AGBL4: variants seen among roughly 807,000 people sequenced by gnomAD.
AGBL4 encodes cytosolic carboxypeptidase 6.
Under a neutral mutation model 66.4 loss-of-function variants are expected in AGBL4, and 58 were observed. The observed-to-expected ratio is 0.87, with a 90% CI of 0.71 to 1.09. The LOEUF is 1.09. Among genes scored for constraint, AGBL4 ranks in the 50% least tolerant of loss-of-function variants. The probability of loss-of-function intolerance (pLI) is 0.00; values close to 1 mark genes in which losing one functional copy is unlikely to be tolerated. For synonymous variants in AGBL4, 234 were observed against 222.9 expected (o/e 1.05, Z -0.44); for missense variants, 579 against 631.0 (o/e 0.92, Z 0.88).
At chr1:49,444,078 T>C (rs1557946195) in intron 3 of AGBL4, among the ~76,000 whole-genome samples, 1 of 152,038 alleles carries the variant, frequency 6.6e-6, no homozygotes, top group Non-Finnish European at 1.5e-5. Context: ...CCAAAGTTCC[T>C]CTTGGTATTG....
At chr1:48,989,005 C>T (rs1660399553) in intron 5 of AGBL4, among the ~76,000 whole-genome samples, 2 of 152,060 alleles carry the variant, frequency 1.3e-5, no homozygotes, top group South Asian at 2.1e-4. Context: ...TAAAAGGGAC[C>T]GTTTAGAGAT....
intron 5 of AGBL4, among the ~76,000 whole-genome samples, chr1:48,892,597 CG>C (rs1398852535): frequency 1.8e-4 from 27 of 152,208 alleles, no homozygotes; most frequent in Middle Eastern, 3.4e-3. Context: ...ACACTTGAAG[CG>C]GGGAGGGGGC....
chr1:49,536,262 TAG>T (rs1055857303), intron 3 of AGBL4, among the ~76,000 whole-genome samples: 4 of 152,152 alleles, frequency 2.6e-5, no homozygotes, highest in Admixed American at 2.6e-4. Flanking sequence ...AATAAGCTTT[TAG>T]AGCCCCCTGT....
At position 49,387,112 on chromosome 1, in the gene AGBL4, T is replaced by C. The variant is rs576436581; in HGVS notation, c.283-141248A>G. Among the ~76,000 whole-genome samples the C allele has an allele frequency of 2.4e-4, 37 of 152,076 alleles. No homozygotes were observed. In the South Asian group the frequency reaches 3.9e-3, roughly 16 times the overall value. On this transcript the variant is annotated intron_variant, in intron 3 of 13. Coordinates refer to ENST00000371839, the MANE Select transcript of AGBL4 (RefSeq NM_032785.4). ...ATTTTCAAGTTCTAGTTCTGCTATA[T>C]ATTAGCTGTGTGACCTTAGGCAAAT...
intron 6 of AGBL4, among the ~76,000 whole-genome samples, chr1:48,664,953 A>G (rs539047488): frequency 3.2e-4 from 48 of 152,102 alleles, no homozygotes; most frequent in African/African-American, 1.1e-3. Context: ...AGAAATAATT[A>G]ATAGGATTTC....
chr1:48,776,669 G>A, intron 6 of AGBL4: 2 of 1,499,366 alleles, frequency 1.3e-6, no homozygotes, highest in South Asian at 1.3e-5. Flanking sequence ...GGGGCGCGCG[G>A]GGGGCTCTCG....
rs879541846 is a variant in AGBL4, at chr1:49,856,989, C to CA, written c.35-5472dup. Among the ~76,000 whole-genome samples, 610 of 129,408 alleles carry CA rather than the reference C, an allele frequency of 4.7e-3. 1 individual carries two copies. The highest frequency in any genetic ancestry group is 0.02 in the Middle Eastern group (5 of 252). 84.9% of individuals were successfully genotyped at this position (129,408 alleles called of 152,430 possible). ...ATTTAGAAAAACCTAAAGCTTCTGC[C>CA]AAAAAAAAAAAACTGTTGAAACTGA... is the stretch of plus-strand genomic sequence containing the variant. On this transcript the variant is annotated intron_variant, in intron 1 of 13. Coordinates refer to ENST00000371839, the MANE Select transcript of AGBL4 (RefSeq NM_032785.4).
intron 3 of AGBL4, among the ~76,000 whole-genome samples, chr1:49,438,470 A>C (rs1645953565): frequency 6.6e-6 from 1 of 152,176 alleles, no homozygotes; most frequent in African/African-American, 2.4e-5. Context: ...TGGAAGAAAA[A>C]GCTGGTTACA....
chr1:48,789,533 A>G (rs562138758), intron 6 of AGBL4, among the ~76,000 whole-genome samples: 3 of 151,926 alleles, frequency 2.0e-5, no homozygotes, highest in Non-Finnish European at 2.9e-5. Context: ...TTGTGATCCT[A>G]CCACCTTGGC....
intron 4 of AGBL4, among the ~76,000 whole-genome samples, chr1:49,173,820 G>C (rs552105989): frequency 6.6e-6 from 1 of 152,154 alleles, no homozygotes; most frequent in South Asian, 2.1e-4. Context: ...AGTATAAACA[G>C]GATACACAAA....
chr1:49,987,194 A>C (rs1403407911), intron 1 of AGBL4, among the ~76,000 whole-genome samples: 2 of 152,112 alleles, frequency 1.3e-5, no homozygotes, highest in East Asian at 3.8e-4. Flanking sequence ...AAATCATTAG[A>C]GTAATTCTAA....
chr1:49,630,396 A>C (rs537289454), intron 3 of AGBL4, among the ~76,000 whole-genome samples: 1 of 152,106 alleles, frequency 6.6e-6, no homozygotes, highest in East Asian at 1.9e-4. Context: ...GGTGTCACTT[A>C]ATGTGTCCTG....
chr1:49,732,368 A>G (rs1007782039), intron 2 of AGBL4, among the ~76,000 whole-genome samples: 1 of 152,256 alleles, frequency 6.6e-6, no homozygotes, highest in East Asian at 1.9e-4. Context: ...AAAATTATAC[A>G]AAACTTTTAA....
At chr1:49,402,904 T>C (rs1299756045) in intron 3 of AGBL4, among the ~76,000 whole-genome samples, 1 of 152,196 alleles carries the variant, frequency 6.6e-6, no homozygotes, top group Non-Finnish European at 1.5e-5. Flanking sequence ...TTTTGTGAGC[T>C]AACATATGGT....
rs1022652468 is a variant in AGBL4, at chr1:48,736,521, T to C, written c.635-73280A>G. ...GGGCAGTGGGAGGCTTCTCTTGTCC[T>C]TTAAAAAGCATTGCTGCACAACTGT... On this transcript the variant is annotated intron_variant, in intron 6 of 13. Coordinates refer to ENST00000371839, the MANE Select transcript of AGBL4 (RefSeq NM_032785.4). The surrounding 1 kb of genome is among the most constrained non-coding windows in gnomAD (Gnocchi z 4.0). The C allele has an allele frequency of 7.5e-7, 1 of 1,331,992 alleles. No homozygotes were observed. Among genetic ancestry groups the C allele is most frequent in the Non-Finnish European group, 1.1e-6 (1 of 936,638 alleles). 82.5% of individuals were successfully genotyped at this position (1,331,992 alleles called of 1,614,324 possible). A position where few individuals can be genotyped will look rare whatever the true frequency, so the allele number is the denominator to read the frequency against.
chr1:49,665,289 TTTTTTG>T (rs1360971984), intron 3 of AGBL4, among the ~76,000 whole-genome samples: 1 of 152,122 alleles, frequency 6.6e-6, no homozygotes, highest in African/African-American at 2.4e-5. Context: ...ATGGCCTGTT[TTTTTTG>T]TTTTTGTTTT....
intron 3 of AGBL4, among the ~76,000 whole-genome samples, chr1:49,414,784 T>G (rs1221277887): frequency 6.6e-6 from 1 of 152,146 alleles, no homozygotes; most frequent in Non-Finnish European, 1.5e-5. Context: ...ATCTGCATAG[T>G]GAGGACAATA....
intron 3 of AGBL4, among the ~76,000 whole-genome samples, chr1:49,636,179 C>A (rs1645668214): frequency 6.6e-6 from 1 of 152,116 alleles, no homozygotes; most frequent in Non-Finnish European, 1.5e-5. Flanking sequence ...CAAAATATAA[C>A]AGAGTGGCTT....
chr1:49,956,745 G>A (rs1656641729), intron 1 of AGBL4, among the ~76,000 whole-genome samples: 2 of 151,906 alleles, frequency 1.3e-5, no homozygotes, highest in South Asian at 4.1e-4. Flanking sequence ...ATCCCATGAG[G>A]TGCCTCATGG....
Sources: allele counts gnomAD v4.1 joint callset (sites outside exome capture counted in the v4.1 genomes callset), GRCh38; gene constraint gnomAD v4.1.1; non-coding constraint Gnocchi (gnomAD v3.1); transcripts MANE v1.5; gene names NCBI Gene and HGNC (gene_info 2026-07-23, HGNC 2026-07-21).